The following GPHN variants were observed in gnomAD, a reference collection of about 807,000 sequenced individuals.
The protein encoded by GPHN is gephyrin.
GPHN carries 17 observed loss-of-function variants against 95.5 expected under a neutral mutation model. The observed-to-expected ratio is 0.18, with a 90% CI of 0.12 to 0.27. The LOEUF is 0.27. Among genes scored for constraint, GPHN ranks in the 10% least tolerant of loss-of-function variants. The probability of loss-of-function intolerance (pLI) is 1.00; values close to 1 mark genes in which losing one functional copy is unlikely to be tolerated. For synonymous variants in GPHN, 320 were observed against 322.5 expected (o/e 0.99, Z 0.08); for missense variants, 660 against 978.1 (o/e 0.67, Z 4.34).
At chr14:66,715,246 T>A (rs1211682774) in intron 2 of GPHN, among the ~76,000 whole-genome samples, 1 of 152,118 alleles carries the variant, frequency 6.6e-6, no homozygotes, top group Non-Finnish European at 1.5e-5. Context: ...CTCTTCTAGG[T>A]GTTCTAGTTT....
At chr14:67,216,616 A>G in the GPHN span, among the ~76,000 whole-genome samples, 15 of 151,990 alleles carry the variant, frequency 9.9e-5, no homozygotes, top group Non-Finnish European at 2.2e-4. Flanking sequence ...TTCCATTTGT[A>G]TCAGTAAATT....
chr14:66,747,136 T>G (rs532262373), intron 2 of GPHN, among the ~76,000 whole-genome samples: 1 of 152,294 alleles, frequency 6.6e-6, no homozygotes, highest in Non-Finnish European at 1.5e-5. Flanking sequence ...ATTGGTATTC[T>G]TCCCTCATCT....
rs768052602 is a variant in GPHN at position 66,776,525 on chromosome 14, T to C, written c.201+4T>C. The C allele has an allele frequency of 4.5e-6, 7 of 1,539,468 alleles. No individual in the cohort carries two copies. Among genetic ancestry groups the C allele is most frequent in the Admixed American group, 3.4e-5 (2 of 59,680 alleles). On this transcript the variant is annotated splice_donor_region_variant and intron_variant, in intron 3 of 22. Coordinates refer to ENST00000478722, the MANE Select transcript of GPHN (RefSeq NM_020806.5). ...AGATGAAATAGAAGAAATCAAGGTA[T>C]AGTATGGCATTTTTCACCTCTACAA... is the stretch of plus-strand genomic sequence containing the variant.
chr14:66,688,773 A>T (rs1381946262), intron 2 of GPHN, among the ~76,000 whole-genome samples: 1 of 152,156 alleles, frequency 6.6e-6, no homozygotes, highest in Admixed American at 6.6e-5. Flanking sequence ...AGGGACATGG[A>T]TGAAGCTGGA....
At chr14:67,193,157 T>C in the GPHN span, among the ~76,000 whole-genome samples, 3 of 144,132 alleles carry the variant, frequency 2.1e-5, no homozygotes, top group African/African-American at 7.5e-5. Context: ...TATATATCTC[T>C]ATATAGACAT....
At chr14:67,464,145 G>GCA in the GPHN span, among the ~76,000 whole-genome samples, 3 of 152,126 alleles carry the variant, frequency 2.0e-5, no homozygotes, top group Admixed American at 2.0e-4. Context: ...CTGGCCTGGT[G>GCA]CAATCTACCC....
chr14:67,441,434 T>C, the GPHN span, among the ~76,000 whole-genome samples: 4 of 152,172 alleles, frequency 2.6e-5, no homozygotes, highest in Non-Finnish European at 5.9e-5. Flanking sequence ...TGAACCACTG[T>C]GTGGGCAGTC....
At chr14:67,110,375 T>C (rs2078297323) in intron 14 of GPHN, 116 bp downstream of exon 14, 6 of 1,072,196 alleles carry the variant, frequency 5.6e-6, no homozygotes, top group East Asian at 4.8e-5. Context: ...AGTTTTGTTT[T>C]GTTTTTGCTT....
the GPHN span, among the ~76,000 whole-genome samples, chr14:67,508,391 T>C: frequency 2.0e-5 from 3 of 152,128 alleles, no homozygotes; most frequent in East Asian, 5.8e-4. Flanking sequence ...GAATATCTTG[T>C]CCAAATGATA....
chr14:67,409,870 T>C, the GPHN span, among the ~76,000 whole-genome samples: 1 of 151,574 alleles, frequency 6.6e-6, no homozygotes, highest in Non-Finnish European at 1.5e-5. Flanking sequence ...CATCTAAGAG[T>C]AGAGGGGATA....
At position 66,615,843 on chromosome 14, in the gene GPHN, T is replaced by A. The variant is rs532341782; in HGVS notation, c.65-65264T>A. On this transcript the variant is annotated intron_variant, in intron 1 of 22. Transcript: ENST00000478722. ...TAGGTTTTCTTGTAGGTTTTTTTTT[T>A]ATGGTTTTGGGTTTTACATTTAAGT... Among the ~76,000 whole-genome samples, 4 of 152,168 alleles carry A rather than the reference T, an allele frequency of 2.6e-5. No homozygotes were observed. The East Asian group carries it at 5.8e-4, about 22-fold the overall frequency.
chr14:67,318,945 C>T, the GPHN span, among the ~76,000 whole-genome samples: 5 of 151,846 alleles, frequency 3.3e-5, no homozygotes, highest in Non-Finnish European at 7.4e-5. Flanking sequence ...GTAGTCCCAG[C>T]TATTCGGGAG....
the GPHN span, among the ~76,000 whole-genome samples, chr14:67,536,181 C>T: frequency 1.3e-5 from 2 of 149,028 alleles, no homozygotes; most frequent in Non-Finnish European, 2.9e-5. Flanking sequence ...CCTTCTCTGT[C>T]TCCCCGGACA....
At chr14:67,054,563 C>A (rs568764783) in intron 10 of GPHN, among the ~76,000 whole-genome samples, 8 of 152,112 alleles carry the variant, frequency 5.3e-5, no homozygotes, top group Non-Finnish European at 1.2e-4. Context: ...TCCCATTAAA[C>A]TACCCTTGAC....
chr14:67,574,218 A>T, the GPHN span: 1 of 1,562,150 alleles, frequency 6.4e-7, no homozygotes, highest in African/African-American at 1.4e-5. This position sits in a 1 kb window ranked among gnomAD's most constrained non-coding sequence, Gnocchi z 4.2. Context: ...GTGCTGCCCC[A>T]CCCCCATATC....
the GPHN span, among the ~76,000 whole-genome samples, chr14:67,665,335 C>G: frequency 6.7e-6 from 1 of 148,552 alleles, no homozygotes; most frequent in East Asian, 2.0e-4. Context: ...ACTGCAGCCT[C>G]GACCTCCCAG....
chr14:66,768,450 A>T (rs1220342324), intron 2 of GPHN, among the ~76,000 whole-genome samples: 4 of 152,032 alleles, frequency 2.6e-5, no homozygotes, highest in Admixed American at 6.6e-5. Context: ...AAGTTTTGGA[A>T]CACAGAAATG....
chr14:66,785,624 C>A (rs2059744826), intron 3 of GPHN, among the ~76,000 whole-genome samples: 1 of 145,544 alleles, frequency 6.9e-6, no homozygotes, highest in Non-Finnish European at 1.5e-5. Flanking sequence ...CTTGGAAAAC[C>A]ATATCCTGAA....
chr14:67,431,414 A>C, the GPHN span, among the ~76,000 whole-genome samples: 8 of 150,482 alleles, frequency 5.3e-5, no homozygotes, highest in East Asian at 1.9e-4. Context: ...AAAAAAAAAA[A>C]AAAAAAACGG....
Sources: allele counts gnomAD v4.1 joint callset (sites outside exome capture counted in the v4.1 genomes callset), GRCh38; gene constraint gnomAD v4.1.1; non-coding constraint Gnocchi (gnomAD v3.1); transcripts MANE v1.5; gene names NCBI Gene and HGNC (gene_info 2026-07-23, HGNC 2026-07-21).